Variants in WWOX observed in about 807,000 individuals in gnomAD.
WWOX encodes WW domain-containing oxidoreductase.
WWOX carries 69 observed loss-of-function variants against 46.2 expected under a neutral mutation model. That is an observed-to-expected ratio of 1.49 (90% CI 1.23 to 1.82). The LOEUF is 1.82. Among genes scored for constraint, WWOX ranks in the 40% most tolerant of loss-of-function variants. The pLI is 0.00. For synonymous variants in WWOX, 359 were observed against 202.6 expected, an observed-to-expected ratio of 1.77 and a Z score of -6.56; for missense variants, 919 against 542.6, an observed-to-expected ratio of 1.69 and a Z score of -6.89.
intron 8 of WWOX, among the ~76,000 whole-genome samples, chr16:78,761,647 C>G (rs1419196904): frequency 2.6e-5 from 4 of 152,214 alleles, no homozygotes; most frequent in East Asian, 3.9e-4. Context: ...TTTGTGACAT[C>G]TGGGCCACCC....
At chr16:78,653,554 G>A (rs184953957) in intron 8 of WWOX, among the ~76,000 whole-genome samples, 2 of 152,246 alleles carry the variant, frequency 1.3e-5, no homozygotes. Context: ...TACACAGGAA[G>A]AGAGACCTTC....
chr16:78,108,819 C>G (rs1333781880), intron 2 of WWOX, among the ~76,000 whole-genome samples: 1 of 152,194 alleles, frequency 6.6e-6, no homozygotes, highest in African/African-American at 2.4e-5. Flanking sequence ...GAAAGCGCAT[C>G]TCTTCTAAAA....
intron 8 of WWOX, among the ~76,000 whole-genome samples, chr16:79,084,706 C>G (rs2048822714): frequency 6.6e-6 from 1 of 152,056 alleles, no homozygotes; most frequent in Admixed American, 6.5e-5. Flanking sequence ...AGCCACCGCA[C>G]CTGGAGGACA....
At chr16:78,893,104 A>G (rs2151230555) in intron 8 of WWOX, among the ~76,000 whole-genome samples, 1 of 152,226 alleles carries the variant, frequency 6.6e-6, no homozygotes, top group African/African-American at 2.4e-5. Flanking sequence ...CCTGCTGAGT[A>G]AACTGTAGTT....
chr16:78,131,615 T>G (rs1011072421), intron 4 of WWOX, among the ~76,000 whole-genome samples: 6 of 152,046 alleles, frequency 3.9e-5, no homozygotes, highest in African/African-American at 1.4e-4. Flanking sequence ...GGAGTCTCAC[T>G]CTGTCGCCCA....
At chr16:79,186,008 G>C (rs1364526317) in intron 8 of WWOX, among the ~76,000 whole-genome samples, 1 of 152,006 alleles carries the variant, frequency 6.6e-6, no homozygotes, top group South Asian at 2.1e-4. Flanking sequence ...TGCTGGCCTT[G>C]AGAAGGTACA....
At chr16:78,310,407 A>T (rs536660518) in intron 5 of WWOX, among the ~76,000 whole-genome samples, 1 of 152,336 alleles carries the variant, frequency 6.6e-6, no homozygotes, top group African/African-American at 2.4e-5. Flanking sequence ...CAGAATAACA[A>T]ACACATGCTG....
chr16:78,330,515 G>C (rs1172938415), intron 5 of WWOX, among the ~76,000 whole-genome samples: 9 of 151,994 alleles, frequency 5.9e-5, no homozygotes, highest in African/African-American at 2.2e-4. Context: ...TCCTGCCTCA[G>C]CCTCCCGAGT....
At chr16:79,130,204 C>G (rs974756585) in intron 8 of WWOX, among the ~76,000 whole-genome samples, 1 of 152,158 alleles carries the variant, frequency 6.6e-6, no homozygotes, top group Non-Finnish European at 1.5e-5. Flanking sequence ...GATTCCTGAA[C>G]CTGTGCTCTT....
chr16:78,152,115 G>C (rs1019322563), intron 4 of WWOX, among the ~76,000 whole-genome samples: 1 of 152,008 alleles, frequency 6.6e-6, no homozygotes, highest in Non-Finnish European at 1.5e-5. Context: ...GCGTGAACCC[G>C]GGAGGCGGAG....
intron 8 of WWOX, among the ~76,000 whole-genome samples, chr16:78,811,460 C>G (rs117092947): frequency 0.015 from 2,284 of 151,774 alleles, 27 homozygotes; most frequent in Non-Finnish European, 0.024. Context: ...TTTCCCTTTC[C>G]TTTCTCCTCT....
At chr16:78,555,758 T>C (rs13339219) in intron 8 of WWOX, among the ~76,000 whole-genome samples, 7,766 of 151,892 alleles carry the variant, frequency 0.051, 445 homozygotes, top group African/African-American at 0.14. Flanking sequence ...TCACAAGGAG[T>C]GCAAAAGAAG....
chr16:78,125,227 A>G (rs149962539), intron 4 of WWOX, among the ~76,000 whole-genome samples: 7 of 152,108 alleles, frequency 4.6e-5, no homozygotes, highest in African/African-American at 1.7e-4. Context: ...GTCTTGTGAT[A>G]ATGTCGAAAG....
chr16:78,235,612 G>C (rs1167824953), intron 5 of WWOX, among the ~76,000 whole-genome samples: 2 of 152,140 alleles, frequency 1.3e-5, no homozygotes, highest in Non-Finnish European at 2.9e-5. Context: ...GTCTTTTGCA[G>C]CCGGCTTGCA....
intron 8 of WWOX, among the ~76,000 whole-genome samples, chr16:78,865,050 A>AC (rs1408541191): frequency 6.6e-6 from 1 of 152,040 alleles, no homozygotes; most frequent in Non-Finnish European, 1.5e-5. Context: ...GGCGTGAGCC[A>AC]CCGCGCCTGG....
At chr16:78,505,656 A>G (rs746382431) in intron 8 of WWOX, among the ~76,000 whole-genome samples, 2 of 152,166 alleles carry the variant, frequency 1.3e-5, no homozygotes, top group Non-Finnish European at 2.9e-5. Flanking sequence ...GTTGCTGGGA[A>G]GTCTGGCTAG....
intron 8 of WWOX, among the ~76,000 whole-genome samples, chr16:78,562,810 A>G (rs1465411996): frequency 6.6e-6 from 1 of 152,158 alleles, no homozygotes; most frequent in Admixed American, 6.6e-5. Flanking sequence ...CAGTGTCATC[A>G]CAGAAAAGCA....
chr16:78,655,271 A>T (rs1217743393), intron 8 of WWOX, among the ~76,000 whole-genome samples: 1 of 152,120 alleles, frequency 6.6e-6, no homozygotes, highest in Non-Finnish European at 1.5e-5. Context: ...CGTGGGCACT[A>T]ATTTGATTTG....
chr16:78,967,025 A>G (rs1416290992), intron 8 of WWOX, among the ~76,000 whole-genome samples: 1 of 152,146 alleles, frequency 6.6e-6, no homozygotes, highest in Non-Finnish European at 1.5e-5. Context: ...TAGAATATGC[A>G]GACTATTCAA....
Sources: allele counts gnomAD v4.1 joint callset (sites outside exome capture counted in the v4.1 genomes callset), GRCh38; gene constraint gnomAD v4.1.1; transcripts MANE v1.5; gene names NCBI Gene and HGNC (gene_info 2026-07-23, HGNC 2026-07-21).